Variants in TNFRSF1B observed in about 807,000 individuals in gnomAD.
The protein encoded by TNFRSF1B is tumor necrosis factor receptor superfamily member 1B.
A neutral mutation model predicts 44.6 loss-of-function variants in TNFRSF1B; 19 were observed. The observed-to-expected ratio is 0.43, with a 90% CI of 0.30 to 0.62. The LOEUF (loss-of-function observed/expected upper bound fraction) is 0.62. TNFRSF1B is among the 20% of genes least tolerant of loss of function. TNFRSF1B has a pLI of 0.16. For synonymous variants in TNFRSF1B, 252 were observed against 261.1 expected, an observed-to-expected ratio of 0.97 and a Z score of 0.34; for missense variants, 541 against 619.9, an observed-to-expected ratio of 0.87 and a Z score of 1.35.
chr1:12,177,570 G>C lies in TNFRSF1B; in HGVS notation c.78+10401G>C, dbSNP rs761588799. Among the ~76,000 whole-genome samples the C allele has an allele frequency of 6.6e-6, 1 of 152,160 alleles. No individual in the cohort carries two copies. Among genetic ancestry groups the C allele is most frequent in the Non-Finnish European group, 1.5e-5 (1 of 68,020 alleles). ...GAGCTCCTCCCAGACCTTTGGCTTC[G>C]TTGACTGTGAGGTGAAAACAAAAGG... is the stretch of plus-strand genomic sequence containing the variant. On this transcript the variant is annotated intron_variant, in intron 1 of 9. Transcript: ENST00000376259. This position sits in a 1 kb window ranked among gnomAD's most constrained non-coding sequence, Gnocchi z 4.3.
Position 12,177,406 on chromosome 1 carries a change from C to A in TNFRSF1B, c.78+10237C>A, listed in dbSNP as rs1280434180. Among the ~76,000 whole-genome samples the A allele has an allele frequency of 6.6e-6, 1 of 152,114 alleles. No homozygotes were observed. The highest frequency in any genetic ancestry group is 6.5e-5 in the Admixed American group (1 of 15,274). ...GGTCCTGGTCACCGCTGGCTGGTTA[C>A]CCCGGCTGGGTTGGGCAGGAGTCTG... On this transcript the variant is annotated intron_variant, in intron 1 of 9. Coordinates refer to ENST00000376259, the MANE Select transcript of TNFRSF1B (RefSeq NM_001066.3). The surrounding 1 kb of genome is among the most constrained non-coding windows in gnomAD (Gnocchi z 4.3).
At chr1:12,194,493 C>A in intron 7 of TNFRSF1B, 91 bp from the exon 8 acceptor site, 1 of 1,415,276 alleles carries the variant, frequency 7.1e-7, no homozygotes, top group Non-Finnish European at 1.0e-6. Context: ...GGCCTCTCTG[C>A]TGGTTCTATG....
chr1:12,209,018 A>T lies in TNFRSF1B; in HGVS notation c.*1998A>T, dbSNP rs563951876. 6.6e-6 allele frequency: 1 copy of T among 152,198 alleles called. No homozygotes were observed. Among genetic ancestry groups the T allele is most frequent in the Non-Finnish European group, 1.5e-5 (1 of 68,078 alleles). The allele number at this position is 152,198 out of a possible 1,614,324, so 9.4% of individuals were successfully genotyped here. A position where few individuals can be genotyped will look rare whatever the true frequency, so the allele number is the denominator to read the frequency against. ...CACATTGGACCCACATGAGGACATG[A>T]TGGAGCGCACCTGCCCCCTGGTGGA... is the stretch of plus-strand genomic sequence containing the variant. On this transcript the variant is annotated 3_prime_UTR_variant, in exon 10 of 10. Coordinates refer to ENST00000376259, the MANE Select transcript of TNFRSF1B (RefSeq NM_001066.3).
intron 1 of TNFRSF1B, among the ~76,000 whole-genome samples, chr1:12,184,286 T>G (rs890925534): frequency 6.6e-6 from 1 of 152,130 alleles, no homozygotes; most frequent in African/African-American, 2.4e-5. Flanking sequence ...AGTGACCTTT[T>G]GTTCTGCTTT....
intron 4 of TNFRSF1B, 29 bp downstream of exon 4, chr1:12,191,952 A>C: frequency 6.3e-7 from 1 of 1,599,152 alleles, no homozygotes; most frequent in Non-Finnish European, 8.5e-7. Context: ...GTCCTTGGGG[A>C]CGCCCATGGG....
Position 12,188,815 on chromosome 1 carries a change from C to A in TNFRSF1B, c.98C>A (p.Ala33Asp). Residue 33 changes from alanine to aspartate, a missense_variant, in exon 2 of 10, where the codon GCC (alanine) becomes GAC (aspartate). Physicochemically the swap from Ala to Asp is moderately radical, Grantham distance 126. Transcript: ENST00000376259. ...TTCCAGGTGGCATTTACACCCTACG[C>A]CCCGGAGCCCGGGAGCACATGCCGG... is the stretch of plus-strand genomic sequence containing the variant. Reference protein sequence around the residue: ...LPAQVAFTPYAPEPGSTCRLR... With the variant: ...LPAQVAFTPYDPEPGSTCRLR... 1 of 1,613,848 alleles carries A rather than the reference C, an allele frequency of 6.2e-7. No homozygotes were observed.
rs769329010 is a variant in TNFRSF1B at position 12,192,524 on chromosome 1, T to G, written c.551T>G (p.Ile184Ser). Residue 184 changes from isoleucine to serine, a missense_variant and splice_region_variant, in exon 5 of 10, where the codon ATC becomes AGC. Physicochemically the swap from Ile to Ser is moderately radical, Grantham distance 142. Transcript: ENST00000376259. ...ACGGATATTTGCAGGCCCCACCAGATGTGAGTAGCTGAGTCCTTTGGTTCT... is the reference window on the plus strand; with the variant it reads ...ACGGATATTTGCAGGCCCCACCAGAGGTGAGTAGCTGAGTCCTTTGGTTCT... Reference protein sequence around the residue: ...SSTDICRPHQICNVVAIPGNA... With the variant: ...SSTDICRPHQSCNVVAIPGNA... 1 of 1,614,006 alleles carries G rather than the reference T, an allele frequency of 6.2e-7. No homozygotes were observed. The highest frequency in any genetic ancestry group is 1.7e-5 in the Admixed American group (1 of 60,010).
rs139009446 is a variant in TNFRSF1B at position 12,180,209 on chromosome 1, C to G, written c.79-8587C>G. On this transcript the variant is annotated intron_variant, in intron 1 of 9. Coordinates refer to ENST00000376259, the MANE Select transcript of TNFRSF1B (RefSeq NM_001066.3). The surrounding 1 kb of genome is among the most constrained non-coding windows in gnomAD (Gnocchi z 4.3). Reference sequence around the variant, plus strand: ...CTTTGGGAGGCTGAGGGAGGAGGATCGCTTAAGGCCAGGAGTTCAAGACCA... The same window carrying G: ...CTTTGGGAGGCTGAGGGAGGAGGATGGCTTAAGGCCAGGAGTTCAAGACCA... Among the ~76,000 whole-genome samples the G allele has an allele frequency of 3.9e-5, 6 of 152,226 alleles. No individual in the cohort carries two copies. Among genetic ancestry groups the G allele is most frequent in the African/African-American group, 1.4e-4 (6 of 41,540 alleles).
intron 1 of TNFRSF1B, among the ~76,000 whole-genome samples, chr1:12,185,712 G>C (rs1176354634): frequency 6.6e-6 from 1 of 152,236 alleles, no homozygotes; most frequent in African/African-American, 2.4e-5. Flanking sequence ...ATCTGTGTTT[G>C]AGCTTTGCGG....
Position 12,180,660 on chromosome 1 carries a change from C to T in TNFRSF1B, c.79-8136C>T, listed in dbSNP as rs1331213730. ...CAGCCCTGTCCACCAGCTGTGCTTC[C>T]TGAGTCCTCCAGGGTGAGGGGGCGT... On this transcript the variant is annotated intron_variant, in intron 1 of 9. Coordinates refer to ENST00000376259, the MANE Select transcript of TNFRSF1B (RefSeq NM_001066.3). The surrounding 1 kb of genome is among the most constrained non-coding windows in gnomAD (Gnocchi z 4.3). Among the ~76,000 whole-genome samples, 5 of 152,248 alleles carry T rather than the reference C, an allele frequency of 3.3e-5. No individual in the cohort carries two copies. Among genetic ancestry groups the T allele is most frequent in the Non-Finnish European group, 7.3e-5 (5 of 68,034 alleles).
chr1:12,189,022 C>T, intron 2 of TNFRSF1B, 127 bp downstream of exon 2: 1 of 739,376 alleles, frequency 1.4e-6, no homozygotes, highest in East Asian at 3.0e-5. Context: ...GGCCCATGCT[C>T]CCTGCTGCTT....
At chr1:12,181,509 A>G (rs1445107358) in intron 1 of TNFRSF1B, among the ~76,000 whole-genome samples, 4 of 152,100 alleles carry the variant, frequency 2.6e-5, no homozygotes, top group African/African-American at 4.8e-5. Flanking sequence ...GAGAAAGTCC[A>G]TGACACCCCC....
At position 12,199,839 on chromosome 1, in the gene TNFRSF1B, G is replaced by C. The variant is rs1219557253; in HGVS notation, c.901-2128G>C. Among the ~76,000 whole-genome samples the C allele has an allele frequency of 6.6e-6, 1 of 152,184 alleles. No homozygotes were observed. Among genetic ancestry groups the C allele is most frequent in the Non-Finnish European group, 1.5e-5 (1 of 68,042 alleles). Reference sequence around the variant, plus strand: ...GCCTGGGACACTTGTTTTCATCCTGGGCAGGCCAGGGGCCAGGGCAGCTGT... The same window carrying C: ...GCCTGGGACACTTGTTTTCATCCTGCGCAGGCCAGGGGCCAGGGCAGCTGT... On this transcript the variant is annotated intron_variant, in intron 8 of 9. Coordinates refer to ENST00000376259, the MANE Select transcript of TNFRSF1B (RefSeq NM_001066.3). The surrounding 1 kb of genome is among the most constrained non-coding windows in gnomAD (Gnocchi z 4.0).
chr1:12,169,172 TC>T lies in TNFRSF1B; in HGVS notation c.78+2006del, dbSNP rs1430097486. Among the ~76,000 whole-genome samples the T allele has an allele frequency of 6.6e-6, 1 of 152,176 alleles. No homozygotes were observed. On this transcript the variant is annotated intron_variant, in intron 1 of 9. Coordinates refer to ENST00000376259, the MANE Select transcript of TNFRSF1B (RefSeq NM_001066.3). The surrounding 1 kb of genome is among the most constrained non-coding windows in gnomAD (Gnocchi z 4.5). Reference sequence around the variant, plus strand: ...TCTTCGAACTCCCAGGCCCTTTTGTTCCCTTTGAGGACAGATTGCATTCTGC... The same window carrying T: ...TCTTCGAACTCCCAGGCCCTTTTGTTCCTTTGAGGACAGATTGCATTCTGC...
At chr1:12,193,903 G>A in intron 6 of TNFRSF1B, 52 bp from the exon 7 acceptor site, 1 of 1,517,114 alleles carries the variant, frequency 6.6e-7, no homozygotes, top group Non-Finnish European at 9.1e-7. Context: ...CTGGCCCCTG[G>A]TACATTTGAG....
At chr1:12,190,458 C>CAAAAAAAAAA (rs4044499) in intron 2 of TNFRSF1B, among the ~76,000 whole-genome samples, 1 of 61,532 alleles carries the variant, frequency 1.6e-5, no homozygotes, top group Non-Finnish European at 2.9e-5. Flanking sequence ...GATTCTGTCT[C>CAAAAAAAAAA]AAAAAAAAAA....
chr1:12,204,610 G>A lies in TNFRSF1B; in HGVS notation c.1106-2130G>A, dbSNP rs140880470. Among the ~76,000 whole-genome samples, 15 of 152,290 alleles carry A rather than the reference G, an allele frequency of 9.8e-5. No individual in the cohort carries two copies. The East Asian group carries it at 2.5e-3, about 25-fold the overall frequency. ...CATCTCAGCAAACCCACCGTCCAGT[G>A]CCTCCCCAACCAGTTAGAAAACTCA... On this transcript the variant is annotated intron_variant, in intron 9 of 9. Coordinates refer to ENST00000376259, the MANE Select transcript of TNFRSF1B (RefSeq NM_001066.3).
chr1:12,200,740 A>G (rs949785640), intron 8 of TNFRSF1B, among the ~76,000 whole-genome samples: 1 of 152,050 alleles, frequency 6.6e-6, no homozygotes, highest in Admixed American at 6.5e-5. Context: ...CTCCTGCCTC[A>G]GCCTCCTGAG....
intron 8 of TNFRSF1B, among the ~76,000 whole-genome samples, chr1:12,198,725 T>C (rs1261040775): frequency 2.2e-5 from 2 of 92,544 alleles, no homozygotes; most frequent in Non-Finnish European, 4.3e-5. Context: ...GAGTCTTGCT[T>C]TGTCGCCCAG....
Sources: allele counts gnomAD v4.1 joint callset (sites outside exome capture counted in the v4.1 genomes callset), GRCh38; gene constraint gnomAD v4.1.1; non-coding constraint Gnocchi (gnomAD v3.1); transcripts MANE v1.5; gene names NCBI Gene and HGNC (gene_info 2026-07-23, HGNC 2026-07-21).